Variants in C3 observed in about 807,000 individuals in gnomAD.
C3 encodes complement C3.
A neutral mutation model predicts 207.9 loss-of-function variants in C3; 97 were observed. That is an observed-to-expected ratio of 0.47 (90% CI 0.40 to 0.55). The LOEUF (loss-of-function observed/expected upper bound fraction) is 0.55, where lower values mean the gene tolerates loss of function less well. Ranked by LOEUF, C3 falls within the 20% of genes least tolerant of loss-of-function variation. C3 has a pLI of 0.00. For synonymous variants in C3, 848 were observed against 857.6 expected (o/e 0.99, Z 0.20); for missense variants, 1,684 against 2,171.7 (o/e 0.78, Z 4.46).
chr19:6,702,327 C>G (rs1967694199), intron 18 of C3, 115 bp from the exon 19 acceptor site: 3 of 937,450 alleles, frequency 3.2e-6, no homozygotes, highest in Non-Finnish European at 5.2e-6. Context: ...GGGGTGCCTC[C>G]ATGTAGGTCA....
At chr19:6,686,326 T>C (rs1918008878) in intron 28 of C3, 39 bp from the exon 29 acceptor site, 1 of 1,609,092 alleles carries the variant, frequency 6.2e-7, no homozygotes, top group African/African-American at 1.3e-5. Flanking sequence ...CTCACTGCTC[T>C]GTCCAGCCTG....
At chr19:6,712,450 G>A (rs1306745228) in intron 10 of C3, 44 bp from the exon 11 acceptor site, 5 of 1,614,050 alleles carry the variant, frequency 3.1e-6, no homozygotes, top group South Asian at 2.2e-5. Flanking sequence ...GCAGGCTCAG[G>A]GCTGTGGCCG....
At chr19:6,679,872 T>C (rs1373234270) in intron 36 of C3, among the ~76,000 whole-genome samples, 1 of 152,066 alleles carries the variant, frequency 6.6e-6, no homozygotes, top group Non-Finnish European at 1.5e-5. Flanking sequence ...CTCAGATCCC[T>C]AGAACCAACT....
At chr19:6,687,157 A>G (rs1475461573) in intron 27 of C3, among the ~76,000 whole-genome samples, 1 of 152,144 alleles carries the variant, frequency 6.6e-6, no homozygotes, top group African/African-American at 2.4e-5. Context: ...CCAGCTCTCC[A>G]GTGGGAGGGT....
At position 6,713,265 on chromosome 19, in the gene C3, G is replaced by A. The variant is rs762527749; in HGVS notation, c.927C>T (p.Asp309=). 2.0e-5 allele frequency: 33 copies of A among 1,613,528 alleles called. No individual in the cohort carries two copies. Among genetic ancestry groups the A allele is most frequent in the East Asian group, 2.2e-5 (1 of 44,878 alleles). Reference sequence around the variant, plus strand: ...CTTCTGCTCGGGGGTTCTGCACCCCGTCCAGCAGTACCTTCCGGCTCAGCA... The same window carrying A: ...CTTCTGCTCGGGGGTTCTGCACCCCATCCAGCAGTACCTTCCGGCTCAGCA... ...EVVLSRKVLL[D]GVQNPRAEDL... is the part of the protein sequence containing the mutation. The change falls in exon 9 of 41, where the codon GAC becomes GAT. Residue 309 remains aspartate, a synonymous_variant. Transcript: ENST00000245907.
chr19:6,700,023 T>C, intron 19 of C3, among the ~76,000 whole-genome samples: 1 of 147,986 alleles, frequency 6.8e-6, no homozygotes, highest in South Asian at 2.1e-4. Context: ...AAATGACATA[T>C]TAGTAGTAAA....
rs2145393301 is a variant in C3, at chr19:6,682,021, C to T, written c.4270G>A (p.Gly1424Ser). ...DTDDLKQLANGVDRYISKYEL... is the reference protein window; with the variant it reads ...DTDDLKQLANSVDRYISKYEL... ...TACTTGGAGATGTATCTGTCAACAC[C>T]ATTGGCCAGCTGGGGAAAGGTGGAG... Residue 1424 changes from glycine (G) to serine (S), a missense_variant, in exon 35 of 41, where the codon GGT (glycine) becomes AGT (serine). This residue lies in a region of C3 where 346 missense variants were observed against 380.1 expected (regional missense o/e 0.91). Coordinates refer to ENST00000245907, the MANE Select transcript of C3 (RefSeq NM_000064.4). The T allele has an allele frequency of 6.2e-7, 1 of 1,614,002 alleles. No homozygotes were observed.
In C3 at chr19:6,707,471, T is replaced by C. The variant is rs774367934; in HGVS notation, c.2042A>G (p.Asp681Gly). The change falls in exon 16 of 41, where the codon GAC (aspartate) becomes GGC (glycine). Residue 681 changes from aspartate to glycine, a missense_variant. Around this residue, in one of 3 missense-constraint regions of C3, gnomAD observed 1,280 missense variants for 1,739.1 expected, o/e 0.74. Transcript: ENST00000245907. ...TGGGTAGGAAAGGCTCCCACCTTTG[T>C]CCATTCGCTTCTCCGTGAGCTGCAC... is the stretch of plus-strand genomic sequence containing the variant. The part of the protein sequence containing the change: ...RSVQLTEKRM[D>G]KVGKYPKELR... The C allele has an allele frequency of 1.2e-6, 2 of 1,613,898 alleles. No individual in the cohort carries two copies. Among genetic ancestry groups the C allele is most frequent in the South Asian group, 2.2e-5 (2 of 91,070 alleles).
chr19:6,710,939 A>G lies in C3; in HGVS notation c.1479+48T>C, dbSNP rs972299451. 10 of 1,606,288 alleles carry G rather than the reference A, an allele frequency of 6.2e-6. No individual in the cohort carries two copies. In the African/African-American group the frequency reaches 1.2e-4, roughly 19 times the overall value. ...GGGGGAAGGAGTCCCAGGGGTGCGG[A>G]AGAAACAAGGAGGAGGCGGGGGCTG... On this transcript the variant is annotated intron_variant, in intron 12 of 40. Coordinates refer to ENST00000245907, the MANE Select transcript of C3 (RefSeq NM_000064.4).
At chr19:6,700,218 A>AATATAT (rs1967615251) in intron 19 of C3, among the ~76,000 whole-genome samples, 2 of 127,802 alleles carry the variant, frequency 1.6e-5, no homozygotes, top group African/African-American at 3.1e-5. Flanking sequence ...TATATATTAC[A>AATATAT]TATATATTAT....
intron 10 of C3, 49 bp from the exon 11 acceptor site, chr19:6,712,455 T>C (rs1005986126): frequency 1.2e-6 from 2 of 1,613,996 alleles, no homozygotes; most frequent in African/African-American, 2.7e-5. Flanking sequence ...CTCAGGGCTG[T>C]GGCCGGTGTC....
chr19:6,704,030 C>T (rs989176905), intron 17 of C3, among the ~76,000 whole-genome samples: 28 of 152,268 alleles, frequency 1.8e-4, no homozygotes, highest in African/African-American at 6.3e-4. Context: ...ATCATCCCAG[C>T]GCTCTGAGAG....
intron 4 of C3, among the ~76,000 whole-genome samples, chr19:6,714,904 A>G (rs1968000873): frequency 6.6e-6 from 1 of 152,076 alleles, no homozygotes; most frequent in Non-Finnish European, 1.5e-5. Context: ...CTTAGGTTTC[A>G]ATCTCTACTG....
At chr19:6,685,737 G>A (rs989508546) in intron 29 of C3, among the ~76,000 whole-genome samples, 5 of 152,196 alleles carry the variant, frequency 3.3e-5, no homozygotes, top group African/African-American at 1.2e-4. Context: ...GTGAGGCAAT[G>A]TGACATTGGG....
chr19:6,686,051 T>C (rs1340467178), intron 29 of C3, 73 bp downstream of exon 29: 2 of 1,474,160 alleles, frequency 1.4e-6, no homozygotes, highest in Non-Finnish European at 1.9e-6. Flanking sequence ...GGCCTCAGTG[T>C]CTTCTCTAGG....
intron 17 of C3, among the ~76,000 whole-genome samples, chr19:6,706,304 T>C (rs1967772974): frequency 1.3e-5 from 2 of 152,150 alleles, no homozygotes; most frequent in Admixed American, 1.3e-4. Context: ...GGGATGACCT[T>C]CCCAGGCAGG....
At chr19:6,706,758 G>C (rs1258743434) in intron 17 of C3, among the ~76,000 whole-genome samples, 2 of 116,352 alleles carry the variant, frequency 1.7e-5, no homozygotes, top group African/African-American at 6.7e-5. Flanking sequence ...TCCCCCCTCA[G>C]ACAGGTACCT....
intron 19 of C3, among the ~76,000 whole-genome samples, chr19:6,699,243 C>CTTTTCT (rs1555685301): frequency 3.0e-5 from 4 of 131,278 alleles, no homozygotes; most frequent in African/African-American, 5.4e-5. Context: ...CTTTTCTTTT[C>CTTTTCT]TTTTTTTTTT....
At position 6,700,555 on chromosome 19, in the gene C3, T is replaced by TATATGATACATTATATATGTA. The variant is rs1555685485; in HGVS notation, c.2440+1571_2440+1572insTACATATATAATGTATCATAT. Among the ~76,000 whole-genome samples the TATATGATACATTATATATGTA allele has an allele frequency of 8.5e-5, 2 of 23,596 alleles. 1 individual carries two copies. The highest frequency in any genetic ancestry group is 1.3e-4 in the Non-Finnish European group (2 of 15,148). The allele number at this position is 23,596 out of a possible 152,430, so 15.5% of individuals were successfully genotyped here. A position where few individuals can be genotyped will look rare whatever the true frequency, so the allele number is the denominator to read the frequency against. On this transcript the variant is annotated intron_variant, in intron 19 of 40. Transcript: ENST00000245907. ...GATATATTATATATGTAATATATAA[T>TATATGATACATTATATATGTA]ATATGTAATATATGATATATTATAT...
Sources: gnomAD v4.1 joint callset for allele counts (sites outside exome capture counted in the v4.1 genomes callset) on GRCh38, gnomAD v4.1.1 for gene constraint, gnomAD v4.1.1 regional missense constraint, MANE v1.5 for transcripts, NCBI Gene and HGNC (gene_info 2026-07-23, HGNC 2026-07-21) for gene names.